Variants in IMMP2L observed in about 807,000 individuals in gnomAD.
IMMP2L encodes the protein mitochondrial inner membrane protease subunit 2.
Under a neutral mutation model 19.3 loss-of-function variants are expected in IMMP2L, and 18 were observed. That is an observed-to-expected ratio of 0.93 (90% CI 0.64 to 1.38). The LOEUF is 1.38. IMMP2L is among the 40% of genes most tolerant of loss of function. The probability of loss-of-function intolerance (pLI) is 0.00; values close to 1 mark genes in which losing one functional copy is unlikely to be tolerated. For missense variants in IMMP2L, 233 were observed against 218.2 expected, an observed-to-expected ratio of 1.07 and a Z score of -0.43; for synonymous variants, 76 against 73.0, an observed-to-expected ratio of 1.04 and a Z score of -0.21.
chr7:111,178,188 A>G (rs894396569), intron 3 of IMMP2L, among the ~76,000 whole-genome samples: 2 of 152,024 alleles, frequency 1.3e-5, no homozygotes, highest in Non-Finnish European at 2.9e-5. Context: ...AGTCATATAA[A>G]TTTTTTGTTT....
At chr7:111,271,930 C>T (rs1382834902) in intron 3 of IMMP2L, among the ~76,000 whole-genome samples, 1 of 152,122 alleles carries the variant, frequency 6.6e-6, no homozygotes, top group Non-Finnish European at 1.5e-5. Flanking sequence ...CTGTCTACTT[C>T]ATCTCTATTA....
intron 3 of IMMP2L, among the ~76,000 whole-genome samples, chr7:111,176,768 G>T (rs1807110258): frequency 6.6e-6 from 1 of 151,748 alleles, no homozygotes; most frequent in Admixed American, 6.6e-5. Flanking sequence ...ATAACTAAAA[G>T]AGTAAAAATC....
intron 4 of IMMP2L, among the ~76,000 whole-genome samples, chr7:110,942,328 A>G (rs1012603607): frequency 6.6e-6 from 1 of 151,932 alleles, no homozygotes; most frequent in Non-Finnish European, 1.5e-5. Context: ...TTTACAACAA[A>G]TACACTGGAA....
At chr7:111,540,543 T>A (rs941845894) in intron 1 of IMMP2L, among the ~76,000 whole-genome samples, 6 of 152,152 alleles carry the variant, frequency 3.9e-5, no homozygotes, top group Admixed American at 3.3e-4. Context: ...AAACCCTATA[T>A]TAGCACTGTA....
At chr7:110,795,353 G>C (rs367582754) in intron 5 of IMMP2L, among the ~76,000 whole-genome samples, 3 of 152,114 alleles carry the variant, frequency 2.0e-5, no homozygotes, top group Admixed American at 6.6e-5. Flanking sequence ...AGCAAGATTG[G>C]TGTTTTAAAA....
intron 2 of IMMP2L, among the ~76,000 whole-genome samples, chr7:111,501,606 C>G (rs1844267197): frequency 6.6e-6 from 1 of 152,178 alleles, no homozygotes; most frequent in Admixed American, 6.5e-5. Context: ...GGAAGCCCAT[C>G]AGACAAACAG....
At chr7:111,307,552 T>A (rs1722638691) in intron 3 of IMMP2L, among the ~76,000 whole-genome samples, 1 of 151,764 alleles carries the variant, frequency 6.6e-6, no homozygotes, top group African/African-American at 2.4e-5. Context: ...CTGCTATATA[T>A]AACATATAAA....
chr7:110,936,148 T>C (rs1816087975), intron 4 of IMMP2L, among the ~76,000 whole-genome samples: 1 of 152,114 alleles, frequency 6.6e-6, no homozygotes, highest in Admixed American at 6.5e-5. Context: ...AGCAAAGACT[T>C]CATGACTAAA....
In IMMP2L at chr7:110,762,397, G is replaced by A. The variant is rs540113199; in HGVS notation, c.409-98676C>T. 3.3e-5 allele frequency among the ~76,000 whole-genome samples: 5 copies of A among 152,144 alleles called. No homozygotes were observed. In the South Asian group the frequency reaches 1.0e-3, roughly 32 times the overall value. ...AATCTATGTAAGAAAACAAGCTTAT[G>A]GCCTTCATGGTAAGACCACTACTGG... On this transcript the variant is annotated intron_variant, in intron 5 of 5. Transcript: ENST00000405709.
At chr7:111,195,454 T>C (rs966383524) in intron 3 of IMMP2L, among the ~76,000 whole-genome samples, 1 of 152,064 alleles carries the variant, frequency 6.6e-6, no homozygotes, top group African/African-American at 2.4e-5. Context: ...TGGAAGAATA[T>C]AGGAGGTAAC....
intron 1 of IMMP2L, among the ~76,000 whole-genome samples, chr7:111,552,730 T>C (rs560095325): frequency 2.6e-5 from 4 of 152,302 alleles, no homozygotes; most frequent in African/African-American, 7.2e-5. Flanking sequence ...ACAATGATCC[T>C]TGCCTCATGT....
At chr7:110,681,974 T>C (rs1348813681) in intron 5 of IMMP2L, among the ~76,000 whole-genome samples, 1 of 152,108 alleles carries the variant, frequency 6.6e-6, no homozygotes, top group Non-Finnish European at 1.5e-5. Context: ...ACAAAAGATA[T>C]AATCATGCAT....
intron 5 of IMMP2L, among the ~76,000 whole-genome samples, chr7:110,880,508 T>C (rs1809532417): frequency 6.6e-6 from 1 of 152,132 alleles, no homozygotes; most frequent in African/African-American, 2.4e-5. Flanking sequence ...AAATATTTTA[T>C]AAGTATATAT....
chr7:110,706,814 T>C (rs1390049406), intron 5 of IMMP2L, among the ~76,000 whole-genome samples: 1 of 152,084 alleles, frequency 6.6e-6, no homozygotes, highest in Admixed American at 6.6e-5. Context: ...ACTCTATTGA[T>C]AGTTTCTTTT....
chr7:110,744,855 C>G (rs1797228606), intron 5 of IMMP2L, among the ~76,000 whole-genome samples: 1 of 152,128 alleles, frequency 6.6e-6, no homozygotes, highest in South Asian at 2.1e-4. Flanking sequence ...TCCAAAGGAT[C>G]ACAACTCCTC....
intron 5 of IMMP2L, among the ~76,000 whole-genome samples, chr7:110,746,912 C>T (rs762809014): frequency 1.3e-5 from 2 of 152,078 alleles, no homozygotes; most frequent in Non-Finnish European, 2.9e-5. Flanking sequence ...CAGTGCAGAA[C>T]TGAAGGAGAC....
intron 5 of IMMP2L, among the ~76,000 whole-genome samples, chr7:110,694,896 G>A (rs997945676): frequency 6.6e-6 from 1 of 152,130 alleles, no homozygotes; most frequent in Non-Finnish European, 1.5e-5. Context: ...TAAAAAAAAT[G>A]AAATACTGAT....
intron 3 of IMMP2L, among the ~76,000 whole-genome samples, chr7:111,035,974 G>A (rs1214506493): frequency 1.3e-5 from 2 of 152,126 alleles, no homozygotes; most frequent in African/African-American, 4.8e-5. Flanking sequence ...AAGTTATTGT[G>A]AGGATTAGAT....
At chr7:111,467,398 G>A (rs967847556) in intron 3 of IMMP2L, among the ~76,000 whole-genome samples, 1 of 152,052 alleles carries the variant, frequency 6.6e-6, no homozygotes, top group Non-Finnish European at 1.5e-5. Flanking sequence ...CTGTAAAGAT[G>A]GTATTCATTT....
Sources: allele counts gnomAD v4.1 joint callset (sites outside exome capture counted in the v4.1 genomes callset), GRCh38; gene constraint gnomAD v4.1.1; transcripts MANE v1.5; gene names NCBI Gene and HGNC (gene_info 2026-07-23, HGNC 2026-07-21).